Variants in ELAC2 observed in about 807,000 individuals in gnomAD.
ELAC2 encodes zinc phosphodiesterase ELAC protein 2.
ELAC2 carries 92 observed loss-of-function variants against 105.2 expected under a neutral mutation model. The ratio of observed to expected loss-of-function variants is 0.87; its 90% confidence interval spans 0.74 to 1.04. The LOEUF (loss-of-function observed/expected upper bound fraction) is 1.04, where lower values mean the gene tolerates loss of function less well. Ranked by LOEUF, ELAC2 falls within the 50% of genes least tolerant of loss-of-function variation. The probability of loss-of-function intolerance (pLI) is 0.00; values close to 1 mark genes in which losing one functional copy is unlikely to be tolerated. For missense variants in ELAC2, 1,099 were observed against 1,071.7 expected (o/e 1.03, Z -0.36); for synonymous variants, 468 against 409.1 (o/e 1.14, Z -1.74).
chr17:13,005,889 G>A (rs1335284972), intron 9 of ELAC2, 32 bp downstream of exon 9: 5 of 1,613,960 alleles, frequency 3.1e-6, no homozygotes, highest in East Asian at 4.5e-5. Flanking sequence ...TGTACCCAGT[G>A]AGTCCCCAGA....
At chr17:13,000,557 C>T (rs1364833950) in intron 14 of ELAC2, 12 of 447,630 alleles carry the variant, frequency 2.7e-5, no homozygotes, top group Non-Finnish European at 3.8e-5. Context: ...GTACCCCTGA[C>T]CTCTACCCAC....
rs752038485 is a variant in ELAC2, at chr17:13,005,014, T to C, written c.958A>G (p.Ile320Val). The change falls in exon 11 of 24, where the codon ATC becomes GTC. Residue 320 changes from isoleucine (I) to valine (V), a missense_variant. Transcript: ENST00000338034. The part of the protein sequence containing the change: ...ECPDESFIQP[I>V]CENATFQRYQ... ...CTCTGAAAGGTGGCATTCTCACAGA[T>C]GGGTTGAATGAAGCTTTCATCTGGA... 2.5e-6 allele frequency: 4 copies of C among 1,613,972 alleles called. No individual in the cohort carries two copies. Among genetic ancestry groups the C allele is most frequent in the South Asian group, 2.2e-5 (2 of 91,090 alleles).
chr17:13,014,363 A>T, intron 5 of ELAC2, 76 bp downstream of exon 5: 1 of 1,103,038 alleles, frequency 9.1e-7, no homozygotes, highest in Non-Finnish European at 1.4e-6. Flanking sequence ...TGATGTTTTT[A>T]ATGGATTCTA....
chr17:13,003,010 G>A (rs1041044191), intron 12 of ELAC2, among the ~76,000 whole-genome samples: 6 of 152,114 alleles, frequency 3.9e-5, no homozygotes, highest in African/African-American at 1.4e-4. Context: ...CCTGGCCAGC[G>A]ATGCCCCGAG....
intron 14 of ELAC2, 125 bp from the exon 15 acceptor site, chr17:13,000,399 G>C (rs911665526): frequency 1.3e-5 from 12 of 896,752 alleles, no homozygotes; most frequent in Non-Finnish European, 2.2e-5. Context: ...GATCAACACT[G>C]AAGGTTAAGT....
At chr17:12,996,439 A>G in intron 17 of ELAC2, 108 bp downstream of exon 17, 2 of 1,556,724 alleles carry the variant, frequency 1.3e-6, no homozygotes, top group Non-Finnish European at 1.8e-6. Flanking sequence ...TGAGTAACAA[A>G]AGCTCTGGGC....
chr17:13,000,467 T>C, intron 14 of ELAC2, 193 bp from the exon 15 acceptor site: 1 of 634,756 alleles, frequency 1.6e-6, no homozygotes, highest in Non-Finnish European at 2.8e-6. Flanking sequence ...TCGCTCTGCC[T>C]CAGGGCCAGT....
intron 17 of ELAC2, 107 bp downstream of exon 17, chr17:12,996,440 A>C: frequency 6.4e-7 from 1 of 1,560,058 alleles, no homozygotes; most frequent in South Asian, 1.1e-5. Flanking sequence ...GAGTAACAAA[A>C]GCTCTGGGCA....
chr17:13,013,715 T>C (rs1397552124), intron 5 of ELAC2, among the ~76,000 whole-genome samples: 1 of 152,180 alleles, frequency 6.6e-6, no homozygotes, highest in Non-Finnish European at 1.5e-5. Flanking sequence ...AGAGCCCTAC[T>C]AGCATCCTCA....
intron 1 of ELAC2, 88 bp from the exon 2 acceptor site, chr17:13,017,209 G>GAA (rs932378885): frequency 4.2e-4 from 401 of 945,438 alleles, no homozygotes; most frequent in Non-Finnish European, 5.1e-4. Context: ...GTAGACTCTG[G>GAA]AAAAAAAAAA....
intron 1 of ELAC2, 89 bp downstream of exon 1, chr17:13,017,614 G>A (rs1598279927): frequency 6.3e-7 from 1 of 1,596,410 alleles, no homozygotes; most frequent in East Asian, 2.3e-5. Flanking sequence ...TGTGAAGCAG[G>A]GAAGCCGAAG....
chr17:13,000,928 T>C (rs1254484330), intron 14 of ELAC2: 1 of 157,532 alleles, frequency 6.3e-6, no homozygotes. Flanking sequence ...GTGCAATATT[T>C]TTCACAAGCA....
In ELAC2 at chr17:12,995,762, C is replaced by CAG; in HGVS notation, c.1748_1749insCT (p.Gln583HisfsTer23). 6.2e-7 allele frequency: 1 copy of CAG among 1,613,042 alleles called. No individual in the cohort carries two copies. The highest frequency in any genetic ancestry group is 8.5e-7 in the Non-Finnish European group (1 of 1,179,566). ...GGTACTGCTGGAGCCAGGCTTTGAG[C>CAG]TGGTTGGGGGCAACCACCAGCAAAG... On this transcript the variant is annotated frameshift_variant, in exon 19 of 24. Coordinates refer to ENST00000338034, the MANE Select transcript of ELAC2 (RefSeq NM_018127.7). LOFTEE classifies it high-confidence loss of function.
intron 16 of ELAC2, 35 bp downstream of exon 16, chr17:12,998,377 T>G (rs752221648): frequency 1.3e-6 from 2 of 1,598,546 alleles, no homozygotes; most frequent in Admixed American, 1.7e-5. Context: ...AAACGTGCCC[T>G]TGATGGAAGG....
intron 5 of ELAC2, among the ~76,000 whole-genome samples, chr17:13,014,014 T>G (rs1158253555): frequency 6.6e-6 from 1 of 152,032 alleles, no homozygotes; most frequent in Non-Finnish European, 1.5e-5. Flanking sequence ...ATGTCACTAT[T>G]TAGAAATCCC....
At chr17:13,011,599 T>G (rs2041414143) in intron 7 of ELAC2, 64 bp downstream of exon 7, 1 of 1,612,764 alleles carries the variant, frequency 6.2e-7, no homozygotes, top group African/African-American at 1.3e-5. Context: ...TCTACAAGCA[T>G]TACAAGGCAG....
Position 12,993,717 on chromosome 17 carries a change from C to T in ELAC2, c.2223G>A (p.Glu741=), listed in dbSNP as rs138884220. 2.5e-6 allele frequency: 4 copies of T among 1,614,094 alleles called. No homozygotes were observed. The African/African-American group carries it at 5.3e-5, about 22-fold the overall frequency. ...KVPLFSPNFS[E]KVGVAFDHMK... ...TGTGGTCAAAGGCAACTCCCACTTT[C>T]TCGCTGAAGTTGGGGCTGAAGAGGG... The change falls in exon 23 of 24, where the codon GAG becomes GAA. Residue 741 remains glutamate (E), a synonymous_variant. Transcript: ENST00000338034.
At chr17:13,009,393 T>C (rs955398492) in intron 8 of ELAC2, among the ~76,000 whole-genome samples, 4 of 152,226 alleles carry the variant, frequency 2.6e-5, no homozygotes, top group Admixed American at 2.6e-4. Flanking sequence ...GCAAATTGTA[T>C]TGATAAAATT....
rs1185274134 is a variant in ELAC2, at chr17:13,017,736, C to G, written c.212G>C (p.Gly71Ala). The change falls in exon 1 of 24, where the codon GGC becomes GCC. Residue 71 changes from glycine (G) to alanine (A), a missense_variant. Coordinates refer to ENST00000338034, the MANE Select transcript of ELAC2 (RefSeq NM_018127.7). Reference protein sequence around the residue: ...QVVAAGSRDSGAALYVFSEFN... With the variant: ...QVVAAGSRDSAAALYVFSEFN... ...CTCGGAGAAGACGTAGAGCGCGGCGCCCGAGTCCCGGCTACCCGCTGCCAC... is the reference window on the plus strand; with the variant it reads ...CTCGGAGAAGACGTAGAGCGCGGCGGCCGAGTCCCGGCTACCCGCTGCCAC... 6.2e-7 allele frequency: 1 copy of G among 1,612,398 alleles called. No individual in the cohort carries two copies. The highest frequency in any genetic ancestry group is 8.5e-7 in the Non-Finnish European group (1 of 1,179,618).
Sources: gnomAD v4.1 joint callset for allele counts (sites outside exome capture counted in the v4.1 genomes callset) on GRCh38, gnomAD v4.1.1 for gene constraint, MANE v1.5 for transcripts, NCBI Gene and HGNC (gene_info 2026-07-23, HGNC 2026-07-21) for gene names.